The following PDE6B variants were observed in gnomAD, a reference collection of about 807,000 sequenced individuals.
PDE6B encodes the protein phosphodiesterase 6B.
In PDE6B, 106 loss-of-function variants were observed where a neutral mutation model predicts 109.0. The observed-to-expected ratio is 0.97, with a 90% confidence interval of 0.83 to 1.14. The LOEUF (loss-of-function observed/expected upper bound fraction) is 1.14. PDE6B is among the 50% of genes most tolerant of loss of function. The probability of loss-of-function intolerance (pLI) is 0.00; values close to 1 mark genes in which losing one functional copy is unlikely to be tolerated. For synonymous variants in PDE6B, 490 were observed against 471.3 expected, an observed-to-expected ratio of 1.04 and a Z score of -0.51; for missense variants, 1,193 against 1,155.6, an observed-to-expected ratio of 1.03 and a Z score of -0.47.
intron 6 of PDE6B, chr4:655,623 C>T (rs1736127782): frequency 4.2e-6 from 2 of 472,116 alleles, no homozygotes; most frequent in East Asian, 8.3e-5. Context: ...ACGCCCTGGC[C>T]TCCTCGCCTC....
chr4:629,746 G>A (rs1311821266), intron 1 of PDE6B, among the ~76,000 whole-genome samples: 1 of 152,370 alleles, frequency 6.6e-6, no homozygotes, highest in Admixed American at 6.5e-5. Context: ...GAGGGTGGCA[G>A]GACCGGCCGT....
chr4:661,861 G>A (rs1282619113), intron 12 of PDE6B: 1 of 504,314 alleles, frequency 2.0e-6, no homozygotes, highest in African/African-American at 1.9e-5. Context: ...CAGGCAGTCG[G>A]ATGGAGGCTG....
chr4:651,025 C>T (rs1156873146), intron 3 of PDE6B, among the ~76,000 whole-genome samples: 1 of 151,956 alleles, frequency 6.6e-6, no homozygotes, highest in Non-Finnish European at 1.5e-5. Flanking sequence ...CCGATGTCAA[C>T]GGCAGTGGGG....
At position 664,920 on chromosome 4, in the gene PDE6B, C is replaced by T. The variant is rs1737612331; in HGVS notation, c.2169C>T (p.Thr723=). Residue 723 remains threonine, a synonymous_variant, in exon 18 of 22, where the codon ACC becomes ACT. Coordinates refer to ENST00000496514, the MANE Select transcript of PDE6B (RefSeq NM_000283.4). ...MMTACDLSAI[T]KPWEVQSKVA... ...CAGCCTGCGACCTGTCTGCCATCACCAAGCCCTGGGAAGTCCAGAGCAAGG... is the reference window on the plus strand; with the variant it reads ...CAGCCTGCGACCTGTCTGCCATCACTAAGCCCTGGGAAGTCCAGAGCAAGG... The T allele has an allele frequency of 1.9e-6, 3 of 1,613,272 alleles. No homozygotes were observed. The highest frequency in any genetic ancestry group is 2.5e-6 in the Non-Finnish European group (3 of 1,179,898).
intron 17 of PDE6B, 98 bp from the exon 18 acceptor site, chr4:664,783 G>C: frequency 2.1e-6 from 2 of 942,276 alleles, no homozygotes; most frequent in Non-Finnish European, 3.5e-6. Flanking sequence ...TCCAGCCTGG[G>C]CAACAGAGCA....
At position 656,224 on chromosome 4, in the gene PDE6B, G is replaced by A. The variant is rs377140204; in HGVS notation, c.1060-21G>A. 1.5e-3 allele frequency: 2,424 copies of A among 1,570,058 alleles called. 54 individuals are homozygous for A. The South Asian group carries it at 0.025, about 16-fold the overall frequency. ...ACCTTCCGCTGTTTTGGATGAAATC[G>A]TTTTTCTGATGCTTTTTCAGATTTG... On this transcript the variant is annotated intron_variant, in intron 7 of 21. Coordinates refer to ENST00000496514, the MANE Select transcript of PDE6B (RefSeq NM_000283.4).
chr4:649,146 A>G (rs1205250259), intron 3 of PDE6B, among the ~76,000 whole-genome samples: 2 of 152,224 alleles, frequency 1.3e-5, no homozygotes, highest in East Asian at 3.8e-4. Context: ...CACGGCCAAC[A>G]GCGACCCACA....
In PDE6B at chr4:666,693, G is replaced by A. The variant is rs1293080833; in HGVS notation, c.2352+79G>A. 2.7e-5 allele frequency: 25 copies of A among 936,026 alleles called. No individual in the cohort carries two copies. Among genetic ancestry groups the A allele is most frequent in the East Asian group, 9.7e-5 (4 of 41,232 alleles). The allele number at this position is 936,026 out of a possible 1,614,324, so 58.0% of individuals were successfully genotyped here. A position where few individuals can be genotyped will look rare whatever the true frequency, so the allele number is the denominator to read the frequency against. On this transcript the variant is annotated intron_variant, in intron 20 of 21. Coordinates refer to ENST00000496514, the MANE Select transcript of PDE6B (RefSeq NM_000283.4). This position sits in a 1 kb window ranked among gnomAD's most constrained non-coding sequence, Gnocchi z 5.6. ...GCAAGGGGGCGCGGGCTGGAGTCGC[G>A]TGGACTCACACGGGCCCGGCGGTGT...
intron 21 of PDE6B, among the ~76,000 whole-genome samples, chr4:669,661 G>C (rs373269667): frequency 1.1e-4 from 6 of 54,946 alleles, no homozygotes; most frequent in Admixed American, 2.2e-4. Context: ...TGCTATTCCC[G>C]CTACGCCATG....
chr4:638,266 C>A (rs777739503), intron 3 of PDE6B, among the ~76,000 whole-genome samples: 5 of 152,192 alleles, frequency 3.3e-5, no homozygotes, highest in Non-Finnish European at 7.4e-5. Flanking sequence ...CTGTTCAGAT[C>A]TTTTGCCCTG....
Position 663,876 on chromosome 4 carries a change from C to T in PDE6B, c.2021+6C>T, listed in dbSNP as rs1190640076. 4.4e-6 allele frequency: 7 copies of T among 1,597,526 alleles called. No homozygotes were observed. The Admixed American group carries it at 5.1e-5, about 12-fold the overall frequency. The stretch of plus-strand genomic sequence containing the variant: ...GACCTGGCCCTGTACTTCAAGTGCG[C>T]GCCTTCCGGGAGGGGGCGCCTCGCG... On this transcript the variant is annotated splice_donor_region_variant and intron_variant, in intron 16 of 21. Coordinates refer to ENST00000496514, the MANE Select transcript of PDE6B (RefSeq NM_000283.4). The surrounding 1 kb of genome is among the most constrained non-coding windows in gnomAD (Gnocchi z 4.0).
At chr4:628,185 A>G (rs1734210218) in intron 1 of PDE6B, among the ~76,000 whole-genome samples, 1 of 152,054 alleles carries the variant, frequency 6.6e-6, no homozygotes, top group African/African-American at 2.4e-5. Flanking sequence ...GCAAATCCTC[A>G]TGAAGTGCAA....
intron 3 of PDE6B, among the ~76,000 whole-genome samples, chr4:641,410 G>A (rs561577132): frequency 1.2e-4 from 19 of 152,294 alleles, no homozygotes; most frequent in African/African-American, 3.1e-4. Flanking sequence ...AGGGTGAGGC[G>A]GTCAGCGCAG....
chr4:634,877 G>A (rs1379023943), intron 2 of PDE6B, 48 bp downstream of exon 2: 1 of 1,544,222 alleles, frequency 6.5e-7, no homozygotes, highest in Admixed American at 1.7e-5. Context: ...CTCCCTGCCT[G>A]CCTGCCCGCC....
chr4:659,312 AGATGTTTAGTTTTCACCG>A lies in PDE6B; in HGVS notation c.1467+306_1467+323del, dbSNP rs552221029. On this transcript the variant is annotated intron_variant, in intron 11 of 21. Transcript: ENST00000496514. ...CTTCCTGTCTCCTCTGTGCTTTGCC[AGATGTTTAGTTTTCACCG>A]GATGTTTAGTGGGCCTGACTTGGAC... Among the ~76,000 whole-genome samples the A allele has an allele frequency of 9.2e-5, 14 of 152,212 alleles. No individual in the cohort carries two copies. In the East Asian group the frequency reaches 2.7e-3, roughly 29 times the overall value.
chr4:645,681 CTT>C (rs1735167414), intron 3 of PDE6B, among the ~76,000 whole-genome samples: 1 of 151,978 alleles, frequency 6.6e-6, no homozygotes, highest in Non-Finnish European at 1.5e-5. Context: ...TGCACTTACT[CTT>C]TATTATTATC....
intron 20 of PDE6B, 85 bp from the exon 21 acceptor site, chr4:667,771 G>C: frequency 6.9e-7 from 1 of 1,440,464 alleles, no homozygotes; most frequent in Non-Finnish European, 9.7e-7. Context: ...CATCCCCTAC[G>C]AGGGGGATGA....
Position 662,719 on chromosome 4 carries a change from C to G in PDE6B, c.1832+101C>G. Reference sequence around the variant, plus strand: ...AGCAGGCTATGTAGAAAGTGGAGTCCACGGCCAGGCCCCGTACTCCAGCAC... The same window carrying G: ...AGCAGGCTATGTAGAAAGTGGAGTCGACGGCCAGGCCCCGTACTCCAGCAC... On this transcript the variant is annotated intron_variant, in intron 14 of 21. Coordinates refer to ENST00000496514, the MANE Select transcript of PDE6B (RefSeq NM_000283.4). The surrounding 1 kb of genome is among the most constrained non-coding windows in gnomAD (Gnocchi z 4.3). 1 of 804,176 alleles carries G rather than the reference C, an allele frequency of 1.2e-6. No individual in the cohort carries two copies. Among genetic ancestry groups the G allele is most frequent in the Non-Finnish European group, 2.2e-6 (1 of 464,696 alleles). The allele number at this position is 804,176 out of a possible 1,614,324, so 49.8% of individuals were successfully genotyped here. A position where few individuals can be genotyped will look rare whatever the true frequency, so the allele number is the denominator to read the frequency against.
Position 665,315 on chromosome 4 carries a change from G to T in PDE6B, c.2254G>T (p.Asp752Tyr), listed in dbSNP as rs200667817. ...AGGTGACTTGGAAAGGACAGTCTTG[G>T]ATCAGCAGCCCATTGTGAGTGCTGC... ...EQGDLERTVL[D>Y]QQPIPMMDRN... The change falls in exon 19 of 22, where the codon GAT becomes TAT. Residue 752 changes from aspartate (D) to tyrosine (Y), a missense_variant. By Grantham distance (160) the Asp-to-Tyr change is radical. Transcript: ENST00000496514. The surrounding 1 kb of genome is among the most constrained non-coding windows in gnomAD (Gnocchi z 4.0). The T allele has an allele frequency of 1.9e-5, 31 of 1,611,566 alleles. No individual in the cohort carries two copies. Among genetic ancestry groups the T allele is most frequent in the Non-Finnish European group, 2.2e-5 (26 of 1,178,604 alleles).
Sources: gnomAD v4.1 joint callset for allele counts (sites outside exome capture counted in the v4.1 genomes callset) on GRCh38, gnomAD v4.1.1 for gene constraint, Gnocchi (gnomAD v3.1) non-coding constraint, MANE v1.5 for transcripts, NCBI Gene and HGNC (gene_info 2026-07-23, HGNC 2026-07-21) for gene names.